The following ZNF433 variants were observed in gnomAD, a reference collection of about 807,000 sequenced individuals.
ZNF433 encodes the protein zinc finger protein 433.
Under a neutral mutation model 10.6 loss-of-function variants are expected in ZNF433, and 12 were observed. The ratio of observed to expected loss-of-function variants is 1.13; its 90% CI spans 0.72 to 1.83. The LOEUF is 1.83. Among genes scored for constraint, ZNF433 ranks in the 40% most tolerant of loss-of-function variants. The pLI, the probability that ZNF433 is intolerant of heterozygous loss-of-function variation, is 0.00. For missense variants in ZNF433, 737 were observed against 798.0 expected (o/e 0.92, Z 0.92); for synonymous variants, 272 against 271.3 (o/e 1.00, Z -0.02).
rs753489580 is a variant in ZNF433 at position 12,017,951 on chromosome 19, A to G, written c.131-15T>C. On this transcript the variant is annotated splice_polypyrimidine_tract_variant and intron_variant, in intron 2 of 3. Coordinates refer to ENST00000550507, the MANE Select transcript of ZNF433 (RefSeq NM_001308348.2). ...CCATTTTTTCCCTACAACACACAAC[A>G]AGGAAAATAATCTTGAATTAGTATA... 6.4e-7 allele frequency: 1 copy of G among 1,552,372 alleles called. No homozygotes were observed. The highest frequency in any genetic ancestry group is 8.7e-7 in the Non-Finnish European group (1 of 1,148,806).
At chr19:12,018,139 T>C in intron 2 of ZNF433, 27 bp downstream of exon 2, 1 of 1,543,818 alleles carries the variant, frequency 6.5e-7, no homozygotes, top group Non-Finnish European at 8.7e-7. Context: ...TCTCATTTAC[T>C]GAAGGAAGTA....
chr19:12,031,543 C>G (rs1355735557), intron 1 of ZNF433, among the ~76,000 whole-genome samples: 1 of 151,954 alleles, frequency 6.6e-6, no homozygotes, highest in Non-Finnish European at 1.5e-5. Context: ...ACTCAGGAGG[C>G]TAAGGCACAA....
intron 1 of ZNF433, among the ~76,000 whole-genome samples, chr19:12,028,367 T>A (rs146189968): frequency 5.4e-4 from 82 of 152,316 alleles, no homozygotes; most frequent in African/African-American, 1.9e-3. Flanking sequence ...AAATATCACA[T>A]ATCTGATATC....
At chr19:12,034,818 AG>A in intron 1 of ZNF433, 1 of 446,808 alleles carries the variant, frequency 2.2e-6, no homozygotes, top group Non-Finnish European at 4.4e-6. Flanking sequence ...TTTCTGCCAA[AG>A]GAACTTACAC....
At chr19:12,028,466 T>A (rs1974844620) in intron 1 of ZNF433, among the ~76,000 whole-genome samples, 1 of 152,162 alleles carries the variant, frequency 6.6e-6, no homozygotes, top group Non-Finnish European at 1.5e-5. Flanking sequence ...AAAACAATAA[T>A]TATCATTCGC....
intron 1 of ZNF433, among the ~76,000 whole-genome samples, chr19:12,034,046 GAAGT>G (rs1975161681): frequency 6.6e-6 from 1 of 152,134 alleles, no homozygotes; most frequent in African/African-American, 2.4e-5. Flanking sequence ...TTTTGAATAA[GAAGT>G]AATTAAACTT....
intron 1 of ZNF433, chr19:12,025,183 G>C (rs544734790): frequency 1.2e-4 from 18 of 152,274 alleles, no homozygotes; most frequent in African/African-American, 4.3e-4. Context: ...GTAGCTGTAA[G>C]TGAGGTATTG....
Position 12,015,463 on chromosome 19 carries a change from ATG to A in ZNF433, c.1393_1394del (p.His465Ter). 1 of 1,613,934 alleles carries A rather than the reference ATG, an allele frequency of 6.2e-7. No homozygotes were observed. On this transcript the variant is annotated frameshift_variant, in exon 4 of 4. Coordinates refer to ENST00000550507, the MANE Select transcript of ZNF433 (RefSeq NM_001308348.2). LOFTEE classifies it low-confidence loss of function (END_TRUNC). ...GCTTCTCTTCTCTGTGCATCCTTTC[ATG>A]TATTTGAAAGAAAGAGAAATTACTA... ...PFSNFSFFQI[H>X]ERMHREEKPY... is the part of the protein sequence containing the mutation.
chr19:12,027,256 T>C, intron 1 of ZNF433: 1 of 347,420 alleles, frequency 2.9e-6, no homozygotes, highest in South Asian at 2.2e-5. Flanking sequence ...TTGTATAGTC[T>C]GCAGATGTGG....
At chr19:12,027,185 A>G (rs970646784) in intron 1 of ZNF433, 5 of 417,858 alleles carry the variant, frequency 1.2e-5, no homozygotes, top group African/African-American at 8.4e-5. Context: ...ATTAAAATAG[A>G]TAAAAACACT....
Position 12,016,587 on chromosome 19 carries a change from G to A in ZNF433, c.271C>T (p.Leu91=). The stretch of plus-strand genomic sequence containing the variant: ...TTTACTCCAGTAGTTGTTTTCTTCA[G>A]CATGTCATCTGGAACCTGGGTCAAA... ...EILTQVPDDM[L]KKTTTGVKSC... is the part of the protein sequence containing the mutation. The change falls in exon 4 of 4, where the codon CTG becomes TTG. Residue 91 remains leucine, a synonymous_variant. Transcript: ENST00000550507. 4 of 1,614,084 alleles carry A rather than the reference G, an allele frequency of 2.5e-6. No homozygotes were observed. Among genetic ancestry groups the A allele is most frequent in the Non-Finnish European group, 3.4e-6 (4 of 1,180,038 alleles).
chr19:12,031,939 C>CTT (rs1323007506), intron 1 of ZNF433, among the ~76,000 whole-genome samples: 1 of 126,998 alleles, frequency 7.9e-6, no homozygotes, highest in African/African-American at 3.0e-5. Flanking sequence ...TTTTCTTTCT[C>CTT]TTTTTCTTTT....
Position 12,016,067 on chromosome 19 carries a change from G to A in ZNF433, c.791C>T (p.Thr264Ile). ...NECGKAFHSSTCLHAHKRTHT... is the reference protein window; with the variant it reads ...NECGKAFHSSICLHAHKRTHT... ...AGTTCTTTTATGAGCATGAAGGCAT[G>A]TGGAACTATGGAATGCTTTCCCACA... is the stretch of plus-strand genomic sequence containing the variant. The change falls in exon 4 of 4, where the codon ACA becomes ATA. Residue 264 changes from threonine (T) to isoleucine (I), a missense_variant. Coordinates refer to ENST00000550507, the MANE Select transcript of ZNF433 (RefSeq NM_001308348.2). The A allele has an allele frequency of 6.2e-7, 1 of 1,613,752 alleles. No homozygotes were observed. The highest frequency in any genetic ancestry group is 1.1e-5 in the South Asian group (1 of 91,048).
chr19:12,020,484 TAA>T (rs1045810030), intron 1 of ZNF433, among the ~76,000 whole-genome samples: 1 of 152,124 alleles, frequency 6.6e-6, no homozygotes, highest in Non-Finnish European at 1.5e-5. Context: ...TTTATTAAAG[TAA>T]AAAATAATAA....
intron 1 of ZNF433, among the ~76,000 whole-genome samples, chr19:12,022,478 G>A (rs564167173): frequency 6.6e-6 from 1 of 152,216 alleles, no homozygotes; most frequent in East Asian, 1.9e-4. Context: ...AGTGCCCCTG[G>A]GTTAGGGTCT....
intron 1 of ZNF433, among the ~76,000 whole-genome samples, 177 bp downstream of exon 1, chr19:12,035,360 G>A (rs530864538): frequency 1.7e-4 from 26 of 152,246 alleles, no homozygotes; most frequent in African/African-American, 6.3e-4. Context: ...CCCGGGTCCC[G>A]GCGGCCGGCC....
chr19:12,027,154 T>A (rs1974779777), intron 1 of ZNF433: 1 of 446,296 alleles, frequency 2.2e-6, no homozygotes. Context: ...GAGCTGCAGA[T>A]GGATTAGCAG....
intron 1 of ZNF433, among the ~76,000 whole-genome samples, chr19:12,018,880 C>T (rs958494795): frequency 6.6e-6 from 1 of 151,402 alleles, no homozygotes; most frequent in African/African-American, 2.4e-5. Flanking sequence ...CAGAGTGAGA[C>T]TCGGTCTCAA....
rs778658700 is a variant in ZNF433 at position 12,016,356 on chromosome 19, CAT to C, written c.500_501del (p.Tyr167CysfsTer3). On this transcript the variant is annotated frameshift_variant, in exon 4 of 4. Transcript: ENST00000550507. LOFTEE classifies it low-confidence loss of function (END_TRUNC). ...HERAHSGRKL[Y>X]VCEECGKTFI... ...AATGTTTTTCCGCATTCCTCACAAA[CAT>C]AGAGTTTCCTTCCACTATGAGCCCT... 233 of 1,614,180 alleles carry C rather than the reference CAT, an allele frequency of 1.4e-4. No individual in the cohort carries two copies. Among genetic ancestry groups the C allele is most frequent in the East Asian group, 1.2e-3 (52 of 44,878 alleles).
Sources: allele counts gnomAD v4.1 joint callset (sites outside exome capture counted in the v4.1 genomes callset), GRCh38; gene constraint gnomAD v4.1.1; transcripts MANE v1.5; gene names NCBI Gene and HGNC (gene_info 2026-07-23, HGNC 2026-07-21).